Variants in ROCK2 observed in about 807,000 individuals in gnomAD.
ROCK2 encodes rho-associated protein kinase 2.
In ROCK2, 61 loss-of-function variants were observed where a neutral mutation model predicts 195.1. That is an observed-to-expected ratio of 0.31 (90% CI 0.25 to 0.39). The LOEUF is 0.39. Among genes scored for constraint, ROCK2 ranks in the 10% least tolerant of loss-of-function variants. The probability of loss-of-function intolerance (pLI) is 1.00; values close to 1 mark genes in which losing one functional copy is unlikely to be tolerated. For synonymous variants in ROCK2, 504 were observed against 545.5 expected, an observed-to-expected ratio of 0.92 and a Z score of 1.06; for missense variants, 1,109 against 1,637.4, an observed-to-expected ratio of 0.68 and a Z score of 5.57.
chr2:11,247,779 G>C (rs975967994), intron 4 of ROCK2, among the ~76,000 whole-genome samples: 2 of 152,144 alleles, frequency 1.3e-5, no homozygotes, highest in Non-Finnish European at 1.5e-5. Flanking sequence ...CAGCACTTTG[G>C]GGGGCCAAGG....
chr2:11,328,254 A>G (rs1172164661), intron 1 of ROCK2, among the ~76,000 whole-genome samples: 1 of 152,222 alleles, frequency 6.6e-6, no homozygotes, highest in Non-Finnish European at 1.5e-5. Context: ...ATTTTCATTC[A>G]TTTATTTAAC....
chr2:11,298,539 T>C (rs866706502), intron 1 of ROCK2, among the ~76,000 whole-genome samples: 39 of 151,860 alleles, frequency 2.6e-4, no homozygotes, highest in African/African-American at 8.9e-4. Context: ...GCCATCATTG[T>C]GCTTAGACAT....
chr2:11,232,303 G>C (rs1311600117), intron 5 of ROCK2, among the ~76,000 whole-genome samples: 1 of 151,924 alleles, frequency 6.6e-6, no homozygotes, highest in Non-Finnish European at 1.5e-5. Flanking sequence ...TAATTTTTCT[G>C]TTTTTAGTAG....
At chr2:11,232,318 G>A (rs1032747852) in intron 5 of ROCK2, among the ~76,000 whole-genome samples, 36 of 151,988 alleles carry the variant, frequency 2.4e-4, no homozygotes, top group African/African-American at 2.9e-4. Flanking sequence ...TAGTAGAAAC[G>A]GGGGTTCACC....
intron 5 of ROCK2, 91 bp from the exon 6 acceptor site, chr2:11,227,489 A>G: frequency 8.5e-7 from 1 of 1,177,932 alleles, no homozygotes; most frequent in Non-Finnish European, 1.2e-6. Context: ...TAGATATACA[A>G]TGATTACATA....
At chr2:11,309,044 C>T (rs1667951452) in intron 1 of ROCK2, 6 of 1,510,738 alleles carry the variant, frequency 4.0e-6, no homozygotes, top group African/African-American at 1.4e-5. Flanking sequence ...GGAAGCAAGC[C>T]GTACCCAGAC....
At chr2:11,265,490 G>C (rs1666381435) in intron 3 of ROCK2, among the ~76,000 whole-genome samples, 1 of 152,056 alleles carries the variant, frequency 6.6e-6, no homozygotes, top group African/African-American at 2.4e-5. Context: ...AAATGATTAG[G>C]AGAAAATATA....
intron 25 of ROCK2, among the ~76,000 whole-genome samples, chr2:11,198,244 C>G (rs1364102626): frequency 3.9e-5 from 6 of 152,072 alleles, no homozygotes; most frequent in African/African-American, 1.4e-4. Context: ...CATTAAATTA[C>G]AACAATAAAT....
intron 1 of ROCK2, among the ~76,000 whole-genome samples, chr2:11,290,913 C>A (rs1667343054): frequency 6.6e-6 from 1 of 152,020 alleles, no homozygotes; most frequent in Non-Finnish European, 1.5e-5. Flanking sequence ...TTCAATCAAG[C>A]CTTGGTCTAT....
chr2:11,240,197 C>T (rs1178938205), intron 4 of ROCK2, among the ~76,000 whole-genome samples: 3 of 152,166 alleles, frequency 2.0e-5, no homozygotes, highest in African/African-American at 4.8e-5. Flanking sequence ...CTCCCTCTCC[C>T]GGGAGGTCTG....
intron 1 of ROCK2, 57 bp downstream of exon 1, chr2:11,343,939 A>C (rs190537772): frequency 3.9e-6 from 6 of 1,545,794 alleles, no homozygotes; most frequent in East Asian, 5.2e-5. Context: ...GGCTGGGCGG[A>C]GAGGGGATCT....
At chr2:11,339,855 G>A (rs1045309690) in intron 1 of ROCK2, among the ~76,000 whole-genome samples, 13 of 152,102 alleles carry the variant, frequency 8.5e-5, no homozygotes, top group Non-Finnish European at 4.4e-5. Context: ...ATCCAGCAGC[G>A]GCGACGGCAC....
chr2:11,324,767 G>A (rs575265319), intron 1 of ROCK2, among the ~76,000 whole-genome samples: 1 of 152,226 alleles, frequency 6.6e-6, no homozygotes, highest in Non-Finnish European at 1.5e-5. Context: ...CATAGTAAGA[G>A]ATGTATGTCT....
At chr2:11,243,470 A>C in intron 4 of ROCK2, among the ~76,000 whole-genome samples, 1 of 152,220 alleles carries the variant, frequency 6.6e-6, no homozygotes, top group South Asian at 2.1e-4. Context: ...ATGGTAAATC[A>C]AAATTATATG....
rs545766264 is a variant in ROCK2, at chr2:11,283,166, C to G, written c.324+3373G>C. Among the ~76,000 whole-genome samples, 11 of 151,744 alleles carry G rather than the reference C, an allele frequency of 7.2e-5. No homozygotes were observed. In the East Asian group the frequency reaches 1.9e-3, roughly 27 times the overall value. On this transcript the variant is annotated intron_variant, in intron 3 of 32. Transcript: ENST00000315872. ...CCTGTAATCCCAGCTACTTGGGAGG[C>G]TGAGGCAGGAAGAATCACTGGAACT...
At chr2:11,224,041 A>G (rs562329274) in intron 7 of ROCK2, among the ~76,000 whole-genome samples, 16 of 152,266 alleles carry the variant, frequency 1.1e-4, no homozygotes, top group African/African-American at 3.6e-4. Context: ...GAACAACACG[A>G]AAGTTTTATT....
At chr2:11,227,437 G>C in intron 5 of ROCK2, 39 bp from the exon 6 acceptor site, 1 of 1,570,960 alleles carries the variant, frequency 6.4e-7, no homozygotes, top group Non-Finnish European at 8.7e-7. Flanking sequence ...ACAGTTCAGT[G>C]TAAAAACACA....
chr2:11,184,449 C>T (rs1515224), intron 32 of ROCK2, among the ~76,000 whole-genome samples: 129,918 of 152,196 alleles, frequency 0.85, 55,927 homozygotes, highest in East Asian at 0.99. Flanking sequence ...TAAATTCTAA[C>T]TGTACTAAAA....
chr2:11,283,632 A>C (rs901655648), intron 3 of ROCK2, among the ~76,000 whole-genome samples: 1 of 152,024 alleles, frequency 6.6e-6, no homozygotes, highest in Admixed American at 6.5e-5. Flanking sequence ...ATGGCAAATA[A>C]GTATATGAAA....
Sources: gnomAD v4.1 joint callset for allele counts (sites outside exome capture counted in the v4.1 genomes callset) on GRCh38, gnomAD v4.1.1 for gene constraint, MANE v1.5 for transcripts, NCBI Gene and HGNC (gene_info 2026-07-23, HGNC 2026-07-21) for gene names.